The following CSMD1 variants were observed in gnomAD, a reference collection of about 807,000 sequenced individuals.
CSMD1 encodes CUB and Sushi multiple domains 1.
A neutral mutation model predicts 417.5 loss-of-function variants in CSMD1; 213 were observed. That is an observed-to-expected ratio of 0.51 (90% CI 0.46 to 0.57). The LOEUF (loss-of-function observed/expected upper bound fraction) is 0.57. Among genes scored for constraint, CSMD1 ranks in the 20% least tolerant of loss-of-function variants. The pLI is 0.00. For synonymous variants in CSMD1, 2,862 were observed against 1,736.8 expected (o/e 1.65, Z -16.11); for missense variants, 6,923 against 4,529.7 (o/e 1.53, Z -15.17).
intron 39 of CSMD1, among the ~76,000 whole-genome samples, chr8:3,156,977 T>C (rs1225696211): frequency 1.4e-5 from 2 of 144,816 alleles, no homozygotes; most frequent in Non-Finnish European, 3.0e-5. Flanking sequence ...CCCAGATTTG[T>C]TGTTTAGACA....
intron 8 of CSMD1, among the ~76,000 whole-genome samples, chr8:3,599,033 C>G (rs1801227522): frequency 6.6e-6 from 1 of 151,870 alleles, no homozygotes; most frequent in Non-Finnish European, 1.5e-5. Context: ...GTGAGCAGAG[C>G]TTGCAACAAT....
In CSMD1 at chr8:3,350,899, T is replaced by C. The variant is rs185243354; in HGVS notation, c.3305-2738A>G. On this transcript the variant is annotated intron_variant, in intron 21 of 69. Transcript: ENST00000635120. ...ATAAATGGTAGTAACTAAGTTCAAG[T>C]CCTCACTATGCAAGAATAATAACTG... Among the ~76,000 whole-genome samples the C allele has an allele frequency of 4.5e-3, 687 of 152,268 alleles. 6 individuals carry two copies. Among genetic ancestry groups the C allele is most frequent in the African/African-American group, 0.016 (659 of 41,552 alleles).
chr8:3,395,623 G>A (rs10088504), intron 17 of CSMD1, among the ~76,000 whole-genome samples: 2,178 of 152,224 alleles, frequency 0.014, 18 homozygotes, highest in Middle Eastern at 0.044. Context: ...TTTAAAATAT[G>A]TTTAATAATT....
At chr8:4,354,042 T>G (rs1470354242) in intron 3 of CSMD1, among the ~76,000 whole-genome samples, 1 of 152,218 alleles carries the variant, frequency 6.6e-6, no homozygotes, top group Non-Finnish European at 1.5e-5. Flanking sequence ...TCCATACCAG[T>G]GTCTATGCAG....
At chr8:3,622,027 G>C (rs75841950) in intron 7 of CSMD1, among the ~76,000 whole-genome samples, 1 of 150,526 alleles carries the variant, frequency 6.6e-6, no homozygotes, top group Non-Finnish European at 1.5e-5. Context: ...GTTTGAATAG[G>C]TCTGTATTTC....
At chr8:3,904,107 T>A (rs1459171329) in intron 5 of CSMD1, among the ~76,000 whole-genome samples, 2 of 152,220 alleles carry the variant, frequency 1.3e-5, no homozygotes, top group South Asian at 2.1e-4. Flanking sequence ...TGTTTATGCC[T>A]AATGAAGTAA....
chr8:4,141,888 G>C (rs922029076), intron 3 of CSMD1, among the ~76,000 whole-genome samples: 16 of 150,986 alleles, frequency 1.1e-4, no homozygotes, highest in Admixed American at 9.2e-4. Context: ...CTACAAGGAG[G>C]AAAGAAAACA....
intron 3 of CSMD1, among the ~76,000 whole-genome samples, chr8:4,344,346 G>A (rs1318180440): frequency 6.6e-6 from 1 of 151,912 alleles, no homozygotes; most frequent in Non-Finnish European, 1.5e-5. Context: ...CATCTTTCAG[G>A]TTTGGTACAT....
intron 20 of CSMD1, among the ~76,000 whole-genome samples, chr8:3,361,937 T>G (rs561524796): frequency 1.0e-3 from 158 of 152,314 alleles, no homozygotes; most frequent in African/African-American, 3.6e-3. Flanking sequence ...AATTATCACT[T>G]AATCATTATT....
chr8:4,848,038 C>G (rs1801245892), intron 1 of CSMD1, among the ~76,000 whole-genome samples: 1 of 152,126 alleles, frequency 6.6e-6, no homozygotes, highest in Non-Finnish European at 1.5e-5. Flanking sequence ...GTAGATTTCC[C>G]TGTTGGGGAC....
chr8:4,005,103 T>G (rs1225693274), intron 4 of CSMD1, among the ~76,000 whole-genome samples: 1 of 151,994 alleles, frequency 6.6e-6, no homozygotes, highest in Non-Finnish European at 1.5e-5. Flanking sequence ...TGCAAAGGAA[T>G]AGGAATGATA....
intron 21 of CSMD1, among the ~76,000 whole-genome samples, chr8:3,350,004 T>TACCTATA (rs1563298925): frequency 6.8e-6 from 1 of 146,440 alleles, no homozygotes; most frequent in African/African-American, 2.5e-5. Context: ...TGTGTTATAA[T>TACCTATA]ACCTATAATA....
At chr8:3,277,346 C>G (rs539019266) in intron 26 of CSMD1, among the ~76,000 whole-genome samples, 1 of 152,124 alleles carries the variant, frequency 6.6e-6, no homozygotes, top group African/African-American at 2.4e-5. Context: ...GGTGCCTGTG[C>G]GCAGGTGGGC....
At chr8:3,338,612 G>C (rs947544265) in intron 23 of CSMD1, among the ~76,000 whole-genome samples, 1 of 152,116 alleles carries the variant, frequency 6.6e-6, no homozygotes, top group Admixed American at 6.6e-5. Context: ...TCAGAGTCAG[G>C]GCCTCTCCCG....
chr8:4,553,921 C>T (rs142551549), intron 2 of CSMD1, among the ~76,000 whole-genome samples: 207 of 152,200 alleles, frequency 1.4e-3, no homozygotes, highest in African/African-American at 4.4e-3. Flanking sequence ...ACTGGTTCAG[C>T]TGGAATTGAC....
In CSMD1 at chr8:3,407,427, G is replaced by T. The variant is rs1235031699; in HGVS notation, c.2071+472C>A. 2.7e-5 allele frequency among the ~76,000 whole-genome samples: 4 copies of T among 150,616 alleles called. No individual in the cohort carries two copies. The South Asian group carries it at 8.5e-4, about 32-fold the overall frequency. ...AGGATGAATGGATGGAAGGATGGATGGATAGATGGAAGGATGGATGGAAAG... is the reference window on the plus strand; with the variant it reads ...AGGATGAATGGATGGAAGGATGGATTGATAGATGGAAGGATGGATGGAAAG... On this transcript the variant is annotated intron_variant, in intron 14 of 69. Coordinates refer to ENST00000635120, the MANE Select transcript of CSMD1 (RefSeq NM_033225.6).
At chr8:4,479,014 C>G (rs757899686) in intron 2 of CSMD1, among the ~76,000 whole-genome samples, 5 of 152,116 alleles carry the variant, frequency 3.3e-5, no homozygotes, top group African/African-American at 4.8e-5. Context: ...AACACTGTTG[C>G]AATTCCTAGG....
chr8:3,379,059 C>T (rs1810479447), intron 18 of CSMD1, among the ~76,000 whole-genome samples: 1 of 152,160 alleles, frequency 6.6e-6, no homozygotes, highest in South Asian at 2.1e-4. Context: ...TCTCAGGATA[C>T]AATATCAATG....
At chr8:4,764,131 C>T (rs887854065) in intron 1 of CSMD1, among the ~76,000 whole-genome samples, 1 of 152,160 alleles carries the variant, frequency 6.6e-6, no homozygotes. Context: ...TGAGATTTCG[C>T]ATTATTCTTG....
Sources: gnomAD v4.1 joint callset for allele counts (sites outside exome capture counted in the v4.1 genomes callset) on GRCh38, gnomAD v4.1.1 for gene constraint, MANE v1.5 for transcripts, NCBI Gene and HGNC (gene_info 2026-07-23, HGNC 2026-07-21) for gene names.